MAGI2: variants seen among roughly 807,000 people sequenced by gnomAD.
MAGI2 encodes membrane associated guanylate kinase, WW and PDZ domain containing 2.
MAGI2 carries 35 observed loss-of-function variants against 133.3 expected under a neutral mutation model. The observed-to-expected ratio is 0.26, with a 90% confidence interval of 0.20 to 0.35. The LOEUF (loss-of-function observed/expected upper bound fraction) is 0.35. Ranked by LOEUF, MAGI2 falls within the 10% of genes least tolerant of loss-of-function variation. The pLI is 1.00. For synonymous variants in MAGI2, 729 were observed against 710.6 expected, an observed-to-expected ratio of 1.03 and a Z score of -0.41; for missense variants, 1,636 against 1,863.4, an observed-to-expected ratio of 0.88 and a Z score of 2.25.
chr7:78,763,338 A>C (rs1049998777), intron 2 of MAGI2, among the ~76,000 whole-genome samples: 8 of 152,292 alleles, frequency 5.3e-5, no homozygotes, highest in African/African-American at 1.9e-4. Context: ...AGTTATTGTA[A>C]CCTGGGGATC....
At chr7:78,346,079 G>A (rs1394636832) in intron 7 of MAGI2, 36 bp from the exon 8 acceptor site, 5 of 1,611,646 alleles carry the variant, frequency 3.1e-6, no homozygotes, top group Non-Finnish European at 4.2e-6. Context: ...ATAACCGTGG[G>A]GCAAAGTTAT....
At chr7:78,616,705 C>T (rs954044697) in intron 3 of MAGI2, 3 of 152,096 alleles carry the variant, frequency 2.0e-5, no homozygotes, top group African/African-American at 7.2e-5. Context: ...GATTCTAAGG[C>T]CAAATGGATG....
chr7:79,370,310 T>G (rs1242787053), intron 1 of MAGI2, among the ~76,000 whole-genome samples: 1 of 152,130 alleles, frequency 6.6e-6, no homozygotes, highest in Non-Finnish European at 1.5e-5. Flanking sequence ...CCTTACTGTA[T>G]TAGATAATCT....
chr7:79,239,755 A>G lies in MAGI2; in HGVS notation c.301+213265T>C, dbSNP rs541663370. Among the ~76,000 whole-genome samples the G allele has an allele frequency of 2.0e-5, 3 of 152,336 alleles. No individual in the cohort carries two copies. The South Asian group carries it at 6.2e-4, about 32-fold the overall frequency. ...AGAAGCTCATTTCATAATTCTGTGT[A>G]AGTACAGACAAAAACACGTTTGCCA... On this transcript the variant is annotated intron_variant, in intron 1 of 21. Coordinates refer to ENST00000354212, the MANE Select transcript of MAGI2 (RefSeq NM_012301.4).
chr7:78,378,225 A>G (rs1264350730), intron 6 of MAGI2, among the ~76,000 whole-genome samples: 1 of 152,110 alleles, frequency 6.6e-6, no homozygotes, highest in Non-Finnish European at 1.5e-5. Context: ...GAAATAAACA[A>G]AAAGGTAAAA....
chr7:78,912,689 T>C (rs1273871232), intron 2 of MAGI2, among the ~76,000 whole-genome samples: 1 of 150,342 alleles, frequency 6.7e-6, no homozygotes, highest in Non-Finnish European at 1.5e-5. Context: ...TGTGTTCGTG[T>C]GAGTTAATAC....
At chr7:79,341,866 T>C (rs891135191) in intron 1 of MAGI2, among the ~76,000 whole-genome samples, 3 of 152,194 alleles carry the variant, frequency 2.0e-5, no homozygotes, top group Non-Finnish European at 2.9e-5. Flanking sequence ...GGTAAGCTTC[T>C]GGGTACCCTA....
chr7:78,236,804 T>A (rs148182731), intron 10 of MAGI2, among the ~76,000 whole-genome samples: 4 of 152,302 alleles, frequency 2.6e-5, no homozygotes, highest in African/African-American at 7.2e-5. Context: ...TACCTGAGAC[T>A]GGGTAATTTA....
chr7:78,888,443 C>A (rs1796450755), intron 2 of MAGI2, among the ~76,000 whole-genome samples: 1 of 152,190 alleles, frequency 6.6e-6, no homozygotes, highest in African/African-American at 2.4e-5. Context: ...CAAGTGGGTC[C>A]CTGACCCCTG....
chr7:78,858,616 T>A (rs538549647), intron 2 of MAGI2, among the ~76,000 whole-genome samples: 55 of 152,142 alleles, frequency 3.6e-4, no homozygotes, highest in Middle Eastern at 6.8e-3. Context: ...GGTCTGAGAG[T>A]CAGTTTGTTA....
intron 2 of MAGI2, among the ~76,000 whole-genome samples, chr7:78,848,171 A>G (rs1476454552): frequency 1.3e-4 from 20 of 151,808 alleles, no homozygotes; most frequent in Admixed American, 1.2e-3. Context: ...CTCCAGGTCA[A>G]TGACAGAAAG....
intron 20 of MAGI2, among the ~76,000 whole-genome samples, chr7:78,087,562 G>T (rs1266310522): frequency 6.6e-6 from 1 of 152,042 alleles, no homozygotes. Flanking sequence ...AGCTTCTGAG[G>T]GTGTATTAAA....
chr7:78,958,481 TTGCC>T (rs1415426670), intron 2 of MAGI2, among the ~76,000 whole-genome samples: 1 of 152,204 alleles, frequency 6.6e-6, no homozygotes, highest in Non-Finnish European at 1.5e-5. Context: ...GAGTAATTTC[TTGCC>T]AATCATAACT....
intron 1 of MAGI2, among the ~76,000 whole-genome samples, chr7:79,122,290 C>T (rs954673727): frequency 2.0e-5 from 3 of 152,176 alleles, no homozygotes; most frequent in Non-Finnish European, 2.9e-5. Flanking sequence ...TACCTCTACA[C>T]ATGTCTCTCC....
chr7:79,238,962 T>G (rs1009250627), intron 1 of MAGI2, among the ~76,000 whole-genome samples: 1 of 152,100 alleles, frequency 6.6e-6, no homozygotes. Flanking sequence ...CTGGCATGAA[T>G]TCCAAGAGAA....
chr7:78,887,953 A>G (rs149732031), intron 2 of MAGI2, among the ~76,000 whole-genome samples: 4,564 of 152,298 alleles, frequency 0.03, 85 homozygotes, highest in Middle Eastern at 0.051. Context: ...TGGCAAGTGC[A>G]AGGGGTCAGG....
chr7:78,714,851 G>T (rs760130659), intron 2 of MAGI2, among the ~76,000 whole-genome samples: 9 of 152,144 alleles, frequency 5.9e-5, no homozygotes, highest in Non-Finnish European at 1.2e-4. Context: ...GCCTCATATT[G>T]TGTCTGAAAC....
At chr7:79,017,790 A>G (rs893795329) in intron 1 of MAGI2, among the ~76,000 whole-genome samples, 1 of 152,216 alleles carries the variant, frequency 6.6e-6, no homozygotes, top group Non-Finnish European at 1.5e-5. Flanking sequence ...TAATGCAATC[A>G]CAAGTATTAA....
At chr7:78,919,094 G>C (rs925870945) in intron 2 of MAGI2, among the ~76,000 whole-genome samples, 3 of 152,066 alleles carry the variant, frequency 2.0e-5, no homozygotes, top group African/African-American at 7.2e-5. Flanking sequence ...GAAACCACTT[G>C]TCAACATTGC....
Sources: allele counts gnomAD v4.1 joint callset (sites outside exome capture counted in the v4.1 genomes callset), GRCh38; gene constraint gnomAD v4.1.1; transcripts MANE v1.5; gene names NCBI Gene and HGNC (gene_info 2026-07-23, HGNC 2026-07-21).